Variants in FIGLA observed in about 807,000 individuals in gnomAD.
FIGLA encodes folliculogenesis specific bHLH transcription factor, also known as factor in the germline alpha.
FIGLA carries 17 observed loss-of-function variants against 21.5 expected under a neutral mutation model. The ratio of observed to expected loss-of-function variants is 0.79; its 90% CI spans 0.54 to 1.19. The LOEUF is 1.19. Among genes scored for constraint, FIGLA ranks in the 50% most tolerant of loss-of-function variants. FIGLA has a pLI of 0.00. For missense variants in FIGLA, 282 were observed against 285.0 expected, an observed-to-expected ratio of 0.99 and a Z score of 0.08; for synonymous variants, 129 against 117.6, an observed-to-expected ratio of 1.10 and a Z score of -0.63.
chr2:70,786,514 C>A (rs1220966998), intron 2 of FIGLA, among the ~76,000 whole-genome samples: 6 of 152,114 alleles, frequency 3.9e-5, no homozygotes, highest in Non-Finnish European at 8.8e-5. Context: ...CCATGTTAGC[C>A]AGGATGGTCT....
rs1553388389 is a variant in FIGLA at position 70,777,321 on chromosome 2, C to T, written c.*46G>A. Reference sequence around the variant, plus strand: ...AAGAGAGACTCCAAAACTTTCAAGACTGCATTTATTTGTCTCTAGAAGGTA... The same window carrying T: ...AAGAGAGACTCCAAAACTTTCAAGATTGCATTTATTTGTCTCTAGAAGGTA... On this transcript the variant is annotated 3_prime_UTR_variant, in exon 5 of 5. Coordinates refer to ENST00000332372, the MANE Select transcript of FIGLA (RefSeq NM_001004311.3). 4 of 1,276,442 alleles carry T rather than the reference C, an allele frequency of 3.1e-6. No homozygotes were observed. Among genetic ancestry groups the T allele is most frequent in the East Asian group, 2.7e-5 (1 of 36,732 alleles). 79.1% of individuals were successfully genotyped at this position (1,276,442 alleles called of 1,614,324 possible).
chr2:70,790,126 G>A (rs1434696992), intron 1 of FIGLA, among the ~76,000 whole-genome samples: 1 of 152,184 alleles, frequency 6.6e-6, no homozygotes, highest in Non-Finnish European at 1.5e-5. Flanking sequence ...GAAGTTGTCA[G>A]GGCCCCTCCT....
chr2:70,789,992 G>A (rs782248801), intron 1 of FIGLA, among the ~76,000 whole-genome samples: 2 of 152,164 alleles, frequency 1.3e-5, no homozygotes, highest in Non-Finnish European at 2.9e-5. Flanking sequence ...GATGCAGAGA[G>A]CAAGAAAAAG....
chr2:70,781,565 G>A (rs1553389130), intron 3 of FIGLA, among the ~76,000 whole-genome samples: 1 of 152,102 alleles, frequency 6.6e-6, no homozygotes, highest in South Asian at 2.1e-4. Flanking sequence ...ATATTTACGT[G>A]AACAGTTAAA....
At position 70,786,462 on chromosome 2, in the gene FIGLA, C is replaced by T. The variant is rs548582332; in HGVS notation, c.385-823G>A. ...GGGACTACCGGCGCCTGCCACCACG[C>T]CCGGCTAATTTTTTTGTATTTTTAG... On this transcript the variant is annotated intron_variant, in intron 2 of 4. Transcript: ENST00000332372. Among the ~76,000 whole-genome samples, 5 of 152,186 alleles carry T rather than the reference C, an allele frequency of 3.3e-5. No homozygotes were observed. In the South Asian group the frequency reaches 1.0e-3, roughly 32 times the overall value.
At chr2:70,782,638 G>C (rs1458163702) in intron 3 of FIGLA, among the ~76,000 whole-genome samples, 1 of 152,250 alleles carries the variant, frequency 6.6e-6, no homozygotes, top group Non-Finnish European at 1.5e-5. Context: ...TGTCCTGTTT[G>C]TAAGAAATGT....
chr2:70,786,230 T>C (rs1258541750), intron 2 of FIGLA, among the ~76,000 whole-genome samples: 1 of 24,166 alleles, frequency 4.1e-5, no homozygotes, highest in South Asian at 1.5e-3. Context: ...TTTTCTGCCT[T>C]TTTTTTTTTT....
At position 70,790,427 on chromosome 2, in the gene FIGLA, T is replaced by C; in HGVS notation, c.212A>G (p.Asn71Ser). 6.5e-7 allele frequency: 1 copy of C among 1,541,276 alleles called. No individual in the cohort carries two copies. The highest frequency in any genetic ancestry group is 8.7e-7 in the Non-Finnish European group (1 of 1,144,168). ...QLVLERRRVA[N>S]AKERERIKNL... ...CCTCACCCGCTCACGCTCCTTGGCG[T>C]TGGCCACACGCCGCCGCTCCAGCAC... The change falls in exon 1 of 5, where the codon AAC becomes AGC. Residue 71 changes from asparagine to serine, a missense_variant. By Grantham distance (46) the Asn-to-Ser change is conservative. Coordinates refer to ENST00000332372, the MANE Select transcript of FIGLA (RefSeq NM_001004311.3).
chr2:70,779,255 A>C (rs965670134), intron 3 of FIGLA, among the ~76,000 whole-genome samples: 2 of 152,152 alleles, frequency 1.3e-5, no homozygotes, highest in African/African-American at 4.8e-5. Context: ...CACCCCATTA[A>C]ATGGGAAACA....
At chr2:70,780,444 C>A (rs1281473994) in intron 3 of FIGLA, among the ~76,000 whole-genome samples, 1 of 152,154 alleles carries the variant, frequency 6.6e-6, no homozygotes, top group Non-Finnish European at 1.5e-5. Context: ...ATCCTGAAAC[C>A]TTATGGAGTC....
chr2:70,786,709 C>A (rs1014373581), intron 2 of FIGLA, among the ~76,000 whole-genome samples: 15 of 152,288 alleles, frequency 9.8e-5, no homozygotes, highest in African/African-American at 3.4e-4. Context: ...AGTTGATGCC[C>A]AGCCCAATTC....
chr2:70,779,121 C>G (rs1392625762), intron 3 of FIGLA, among the ~76,000 whole-genome samples: 2 of 152,210 alleles, frequency 1.3e-5, no homozygotes, highest in African/African-American at 4.8e-5. Context: ...GTCGCCGGAG[C>G]AGCTTTTCCT....
intron 2 of FIGLA, among the ~76,000 whole-genome samples, chr2:70,786,017 C>G (rs1180330525): frequency 6.6e-6 from 1 of 152,166 alleles, no homozygotes; most frequent in African/African-American, 2.4e-5. Context: ...TTCACTCCTG[C>G]CATCGCAGAA....
intron 3 of FIGLA, among the ~76,000 whole-genome samples, chr2:70,781,153 A>C (rs1675849001): frequency 6.6e-6 from 1 of 152,170 alleles, no homozygotes; most frequent in Non-Finnish European, 1.5e-5. Flanking sequence ...GGAACGTCAG[A>C]GCCAAGAAGG....
intron 2 of FIGLA, among the ~76,000 whole-genome samples, chr2:70,786,293 C>T (rs1355099285): frequency 6.9e-6 from 1 of 144,044 alleles, no homozygotes; most frequent in Non-Finnish European, 1.5e-5. Context: ...TTTCCACTCT[C>T]GGACTTCTAG....
intron 2 of FIGLA, 120 bp from the exon 3 acceptor site, chr2:70,785,759 T>A: frequency 1.3e-6 from 1 of 745,298 alleles, no homozygotes; most frequent in Non-Finnish European, 2.3e-6. Context: ...GGGCAATGCT[T>A]AAGTCATTAT....
At chr2:70,784,945 CAA>C (rs35547757) in intron 3 of FIGLA, among the ~76,000 whole-genome samples, 11 of 139,372 alleles carry the variant, frequency 7.9e-5, no homozygotes, top group Admixed American at 1.4e-4. Context: ...CCCCCCACCA[CAA>C]AAAAAAAAAA....
chr2:70,787,761 A>C lies in FIGLA; in HGVS notation c.272T>G (p.Leu91Arg), dbSNP rs782030456. ...CCTGCTTTGGGGAAGAAATGGCACAAGTGCCTTCAATCTGGCAAAACCACG... is the reference window on the plus strand; with the variant it reads ...CCTGCTTTGGGGAAGAAATGGCACACGTGCCTTCAATCTGGCAAAACCACG... ...LNRGFARLKA[L>R]VPFLPQSRKP... The change falls in exon 2 of 5, where the codon CTT (leucine) becomes CGT (arginine). Residue 91 changes from leucine (L) to arginine (R), a missense_variant. Physicochemically the swap from Leu to Arg is moderately radical, Grantham distance 102. Coordinates refer to ENST00000332372, the MANE Select transcript of FIGLA (RefSeq NM_001004311.3). 2 of 1,613,294 alleles carry C rather than the reference A, an allele frequency of 1.2e-6. No individual in the cohort carries two copies. Among genetic ancestry groups the C allele is most frequent in the Middle Eastern group, 3.3e-4 (2 of 6,062 alleles).
intron 3 of FIGLA, among the ~76,000 whole-genome samples, chr2:70,779,273 A>G (rs1408121573): frequency 5.9e-5 from 9 of 152,202 alleles, no homozygotes; most frequent in Admixed American, 5.9e-4. Context: ...ACAACTTTGG[A>G]AAATGCTGGG....
Sources: gnomAD v4.1 joint callset for allele counts (sites outside exome capture counted in the v4.1 genomes callset) on GRCh38, gnomAD v4.1.1 for gene constraint, MANE v1.5 for transcripts, NCBI Gene and HGNC (gene_info 2026-07-23, HGNC 2026-07-21) for gene names.